Variants in ZBTB46 observed in about 807,000 individuals in gnomAD.
The protein encoded by ZBTB46 is zinc finger and BTB domain-containing protein 46.
ZBTB46 carries 8 observed loss-of-function variants against 44.1 expected under a neutral mutation model. That is an observed-to-expected ratio of 0.18 (90% CI 0.11 to 0.33). ZBTB46 has a LOEUF of 0.33. ZBTB46 is among the 10% of genes least tolerant of loss of function. The pLI, the probability that ZBTB46 is intolerant of heterozygous loss-of-function variation, is 1.00. For synonymous variants in ZBTB46, 409 were observed against 382.3 expected, an observed-to-expected ratio of 1.07 and a Z score of -0.81; for missense variants, 651 against 847.7, an observed-to-expected ratio of 0.77 and a Z score of 2.88.
rs564294010 is a variant in ZBTB46 at position 63,744,456 on chromosome 20, T to G, written c.*2474A>C. ...ATGGACTGTATTTCCCACTTTGGTG[T>G]TGTAAACACCAAAATACAAACAGAC... On this transcript the variant is annotated 3_prime_UTR_variant, in exon 5 of 5. Coordinates refer to ENST00000245663, the MANE Select transcript of ZBTB46 (RefSeq NM_001369741.1). The G allele has an allele frequency of 1.4e-4, 21 of 152,142 alleles. No individual in the cohort carries two copies. The highest frequency in any genetic ancestry group is 6.6e-5 in the Admixed American group (1 of 15,258). 9.4% of individuals were successfully genotyped at this position (152,142 alleles called of 1,614,324 possible). A position where few individuals can be genotyped will look rare whatever the true frequency, so the allele number is the denominator to read the frequency against.
chr20:63,800,689 G>A (rs746351522), intron 1 of ZBTB46, among the ~76,000 whole-genome samples: 1 of 152,232 alleles, frequency 6.6e-6, no homozygotes, highest in African/African-American at 2.4e-5. Context: ...TAGCACCCGG[G>A]CCAGCAGCTG....
intron 2 of ZBTB46, among the ~76,000 whole-genome samples, chr20:63,786,569 T>G (rs1262048502): frequency 6.6e-6 from 1 of 152,166 alleles, no homozygotes; most frequent in Non-Finnish European, 1.5e-5. Flanking sequence ...TGGAGTGCAG[T>G]GGCGCGATCT....
intron 3 of ZBTB46, chr20:63,775,369 G>T: frequency 3.4e-6 from 1 of 294,280 alleles, no homozygotes; most frequent in Non-Finnish European, 6.3e-6. Flanking sequence ...GCCCCTGCGC[G>T]ACCCGGACGA....
At chr20:63,772,469 G>C (rs369283598) in intron 3 of ZBTB46, among the ~76,000 whole-genome samples, 6 of 151,956 alleles carry the variant, frequency 3.9e-5, no homozygotes, top group Admixed American at 3.3e-4. Flanking sequence ...CTATAAACCC[G>C]GCACTTTGGG....
At chr20:63,774,476 C>T (rs982715401) in intron 3 of ZBTB46, among the ~76,000 whole-genome samples, 2 of 152,188 alleles carry the variant, frequency 1.3e-5, no homozygotes, top group Non-Finnish European at 1.5e-5. Flanking sequence ...TGTGTCCACA[C>T]CACTCAGCAC....
intron 1 of ZBTB46, among the ~76,000 whole-genome samples, chr20:63,806,883 CG>C (rs2092685057): frequency 6.6e-6 from 1 of 151,096 alleles, no homozygotes; most frequent in South Asian, 2.1e-4. Context: ...CCCAGGTTCA[CG>C]CCATTCTCCT....
At chr20:63,781,088 C>A (rs2092465929) in intron 2 of ZBTB46, among the ~76,000 whole-genome samples, 1 of 140,166 alleles carries the variant, frequency 7.1e-6, no homozygotes, top group African/African-American at 2.7e-5. Flanking sequence ...TTGCAGTGAG[C>A]CAAGATGGTG....
chr20:63,796,932 G>A (rs2092608350), intron 1 of ZBTB46, among the ~76,000 whole-genome samples: 1 of 152,178 alleles, frequency 6.6e-6, no homozygotes, highest in Non-Finnish European at 1.5e-5. Context: ...CACTTTGGGA[G>A]GCTGATGCAG....
chr20:63,747,678 T>C, intron 4 of ZBTB46, among the ~76,000 whole-genome samples: 1 of 152,022 alleles, frequency 6.6e-6, no homozygotes, highest in Non-Finnish European at 1.5e-5. Context: ...CCCCAGCTCC[T>C]ATCAGAGCCA....
intron 2 of ZBTB46, among the ~76,000 whole-genome samples, chr20:63,783,312 C>T (rs547443732): frequency 1.0e-3 from 155 of 152,260 alleles, no homozygotes; most frequent in Non-Finnish European, 1.9e-3. Flanking sequence ...GCCTGTAGTC[C>T]CAGCTACTCG....
In ZBTB46 at chr20:63,746,961, C is replaced by A. The variant is rs1447737572; in HGVS notation, c.1739G>T (p.Gly580Val). The change falls in exon 5 of 5, where the codon GGC becomes GTC. Residue 580 changes from glycine (G) to valine (V), a missense_variant. Physicochemically the swap from Gly to Val is moderately radical, Grantham distance 109. Transcript: ENST00000245663. The part of the protein sequence containing the change: ...DSPRPRSPPG[G>V]PDKDFAWLS ...GAGCCAGGCGAAGTCCTTGTCAGGG[C>A]CTCCTGGGGGGCTGCGCGGCCGCGG... The A allele has an allele frequency of 6.3e-7, 1 of 1,589,014 alleles. No individual in the cohort carries two copies.
intron 3 of ZBTB46, 22 bp downstream of exon 3, chr20:63,775,656 G>A (rs767318033): frequency 5.2e-6 from 8 of 1,529,154 alleles, no homozygotes; most frequent in East Asian, 4.5e-5. Context: ...AAAGCCAAGC[G>A]GCCCCCAGGG....
chr20:63,823,501 AAAAT>A (rs150001627), intron 1 of ZBTB46, among the ~76,000 whole-genome samples: 14 of 151,052 alleles, frequency 9.3e-5, no homozygotes, highest in Admixed American at 2.6e-4. Context: ...CTGTCTCAAA[AAAAT>A]AAATAAATAA....
At chr20:63,831,516 C>T (rs2092852412), upstream of ZBTB46, among the ~76,000 whole-genome samples, 4 of 147,428 alleles carry the variant, frequency 2.7e-5, no homozygotes, top group South Asian at 2.1e-4. Context: ...CCCCCGCGGG[C>T]AGCCGGACAG....
intron 3 of ZBTB46, among the ~76,000 whole-genome samples, chr20:63,754,009 C>T (rs2092195995): frequency 6.6e-6 from 1 of 152,206 alleles, no homozygotes; most frequent in Non-Finnish European, 1.5e-5. Flanking sequence ...TGGACAGGCA[C>T]ACCCCCATGA....
intron 1 of ZBTB46, among the ~76,000 whole-genome samples, chr20:63,822,154 G>A (rs561100872): frequency 3.9e-5 from 6 of 152,270 alleles, no homozygotes; most frequent in South Asian, 2.1e-4. Flanking sequence ...AAGCGGAACC[G>A]ATACACTCCC....
intron 3 of ZBTB46, among the ~76,000 whole-genome samples, chr20:63,755,188 C>G (rs549390507): frequency 1.3e-5 from 2 of 152,342 alleles, no homozygotes; most frequent in South Asian, 4.1e-4. Flanking sequence ...AAGCTGCCTG[C>G]GATGCACTTC....
intron 1 of ZBTB46, among the ~76,000 whole-genome samples, chr20:63,829,252 G>A (rs2146113856): frequency 6.6e-6 from 1 of 152,336 alleles, no homozygotes; most frequent in East Asian, 1.9e-4. Flanking sequence ...ATCCGAAACA[G>A]GAGTGGAACT....
intron 1 of ZBTB46, among the ~76,000 whole-genome samples, chr20:63,791,966 GC>G (rs1353437768): frequency 1.3e-5 from 2 of 152,208 alleles, no homozygotes; most frequent in African/African-American, 2.4e-5. Context: ...CCGAGCTGGT[GC>G]CTGTTCCAGC....
Sources: allele counts gnomAD v4.1 joint callset (sites outside exome capture counted in the v4.1 genomes callset), GRCh38; gene constraint gnomAD v4.1.1; transcripts MANE v1.5; gene names NCBI Gene and HGNC (gene_info 2026-07-23, HGNC 2026-07-21).